The following RXFP1 variants were observed in gnomAD, a reference collection of about 807,000 sequenced individuals.
RXFP1 encodes relaxin family peptide receptor 1.
Under a neutral mutation model 89.8 loss-of-function variants are expected in RXFP1, and 73 were observed. The observed-to-expected ratio is 0.81, with a 90% CI of 0.67 to 0.99. The LOEUF is 0.99. RXFP1 is among the 50% of genes least tolerant of loss of function. The pLI is 0.00. For missense variants in RXFP1, 793 were observed against 895.5 expected, an observed-to-expected ratio of 0.89 and a Z score of 1.46; for synonymous variants, 277 against 305.5, an observed-to-expected ratio of 0.91 and a Z score of 0.97.
At chr4:158,568,201 T>G (rs78047865) in intron 1 of RXFP1, among the ~76,000 whole-genome samples, 4,832 of 152,268 alleles carry the variant, frequency 0.032, 245 homozygotes, top group African/African-American at 0.11. Flanking sequence ...GACTCGCTGC[T>G]TCTAAGAACT....
At chr4:158,594,348 C>A (rs1045235723) in intron 3 of RXFP1, among the ~76,000 whole-genome samples, 2 of 152,166 alleles carry the variant, frequency 1.3e-5, no homozygotes, top group African/African-American at 4.8e-5. Context: ...TCAGCCCTAC[C>A]CTCATTACTC....
intron 12 of RXFP1, among the ~76,000 whole-genome samples, chr4:158,637,352 T>C (rs142819081): frequency 6.6e-6 from 1 of 152,328 alleles, no homozygotes; most frequent in African/African-American, 2.4e-5. Context: ...TAATTTATAT[T>C]CCCATCACCA....
rs1048612736 is a variant in RXFP1, at chr4:158,574,689, C to T, written c.187+1854C>T. 1.1e-4 allele frequency among the ~76,000 whole-genome samples: 17 copies of T among 152,256 alleles called. No homozygotes were observed. In the East Asian group the frequency reaches 1.4e-3, roughly 12 times the overall value. ...GCCTGGGCTGAAATCTCCCTGATAT[C>T]GAGCTGTACTTTCTCTTACTGTATG... On this transcript the variant is annotated intron_variant, in intron 2 of 17. Transcript: ENST00000307765.
intron 2 of RXFP1, among the ~76,000 whole-genome samples, chr4:158,577,090 G>A (rs1756409740): frequency 6.6e-6 from 1 of 151,926 alleles, no homozygotes; most frequent in Non-Finnish European, 1.5e-5. Context: ...CCAGGCTGGA[G>A]TGCAGTGGCG....
chr4:158,593,666 A>G (rs1759977690), intron 3 of RXFP1, among the ~76,000 whole-genome samples, 167 bp downstream of exon 3: 1 of 152,228 alleles, frequency 6.6e-6, no homozygotes, highest in African/African-American at 2.4e-5. Context: ...CTAATTGCAA[A>G]TTCTATTAAA....
chr4:158,568,065 C>A (rs77235993), intron 1 of RXFP1, among the ~76,000 whole-genome samples: 1,988 of 152,230 alleles, frequency 0.013, 33 homozygotes, highest in African/African-American at 0.044. Context: ...TGAACAACTC[C>A]GAACACACTG....
At chr4:158,638,163 A>C (rs145879015) in intron 13 of RXFP1, 84 bp downstream of exon 13, 1 of 758,222 alleles carries the variant, frequency 1.3e-6, no homozygotes, top group East Asian at 2.9e-5. Flanking sequence ...ATTTACTTCA[A>C]ATCATAAGCT....
At chr4:158,532,041 A>G (rs951653822) in intron 1 of RXFP1, among the ~76,000 whole-genome samples, 2 of 152,094 alleles carry the variant, frequency 1.3e-5, no homozygotes, top group African/African-American at 4.8e-5. Context: ...CACCCAAGTA[A>G]TGAACATACT....
At chr4:158,547,525 A>C (rs933756880) in intron 1 of RXFP1, among the ~76,000 whole-genome samples, 10 of 150,438 alleles carry the variant, frequency 6.6e-5, no homozygotes, top group Admixed American at 2.6e-4. Flanking sequence ...TTTTCTAGTT[A>C]TTTTAATTGT....
Position 158,590,307 on chromosome 4 carries a change from G to A in RXFP1, c.188-3094G>A, listed in dbSNP as rs535750071. 2.0e-5 allele frequency among the ~76,000 whole-genome samples: 3 copies of A among 152,246 alleles called. No individual in the cohort carries two copies. In the South Asian group the frequency reaches 6.2e-4, roughly 32 times the overall value. ...AGCCTCCCGAGTAGCTGGGACTACA[G>A]GCATGTATCACCATGGCTGGGTAAT... On this transcript the variant is annotated intron_variant, in intron 2 of 17. Coordinates refer to ENST00000307765, the MANE Select transcript of RXFP1 (RefSeq NM_021634.4).
chr4:158,545,259 G>T (rs1747985496), intron 1 of RXFP1, among the ~76,000 whole-genome samples: 2 of 152,028 alleles, frequency 1.3e-5, no homozygotes, highest in Non-Finnish European at 2.9e-5. Flanking sequence ...TTTGAGAAGT[G>T]TCTGTTCATA....
intron 1 of RXFP1, among the ~76,000 whole-genome samples, chr4:158,555,917 A>T (rs1751180090): frequency 6.6e-6 from 1 of 152,230 alleles, no homozygotes; most frequent in Non-Finnish European, 1.5e-5. Flanking sequence ...CTTGCAATAT[A>T]CAAAAACCAA....
At chr4:158,649,062 G>A (rs545934305) in intron 17 of RXFP1, among the ~76,000 whole-genome samples, 21 of 151,764 alleles carry the variant, frequency 1.4e-4, no homozygotes, top group African/African-American at 3.6e-4. Flanking sequence ...GCAGTGAGCC[G>A]AAATTGCACC....
At chr4:158,582,114 CAATACTCCT>C (rs750094774) in intron 2 of RXFP1, among the ~76,000 whole-genome samples, 2 of 152,124 alleles carry the variant, frequency 1.3e-5, no homozygotes, top group African/African-American at 4.8e-5. Flanking sequence ...ACCCACCTCC[CAATACTCCT>C]AATACTACCA....
chr4:158,646,409 A>G, intron 15 of RXFP1: 1 of 1,041,744 alleles, frequency 9.6e-7, no homozygotes, highest in African/African-American at 1.6e-5. Context: ...TCAGTGGAAG[A>G]GCAGAACCAA....
intron 1 of RXFP1, among the ~76,000 whole-genome samples, chr4:158,529,240 G>GGTTT (rs1743366936): frequency 7.5e-6 from 1 of 134,026 alleles, no homozygotes; most frequent in Non-Finnish European, 1.5e-5. Context: ...TTGCTTGCTT[G>GGTTT]TTTTTTGTTG....
chr4:158,645,213 G>C (rs1771277904), intron 15 of RXFP1, 75 bp downstream of exon 15: 7 of 1,105,842 alleles, frequency 6.3e-6, no homozygotes, highest in Non-Finnish European at 6.7e-6. Flanking sequence ...AATAAGTTGT[G>C]TGAGTGGTAG....
Position 158,648,686 on chromosome 4 carries a change from A to G in RXFP1, c.1944A>G (p.Lys648=). 1 of 1,607,308 alleles carries G rather than the reference A, an allele frequency of 6.2e-7. No individual in the cohort carries two copies. Among genetic ancestry groups the G allele is most frequent in the Non-Finnish European group, 8.5e-7 (1 of 1,176,712 alleles). The change falls in exon 17 of 18, where the codon AAA becomes AAG. Residue 648 remains lysine (K), a synonymous_variant. Coordinates refer to ENST00000307765, the MANE Select transcript of RXFP1 (RefSeq NM_021634.4). ...ALCWIPIFVV[K]FLSLLQVEIP... ...GCTGGATACCCATTTTTGTAGTGAA[A>G]TTTCTTTCACTGCTTCAGGTAGAAA...
intron 9 of RXFP1, among the ~76,000 whole-genome samples, chr4:158,618,838 T>C (rs1765079757): frequency 6.6e-6 from 1 of 151,598 alleles, no homozygotes; most frequent in Admixed American, 6.6e-5. Context: ...AATGCCACAA[T>C]AAAAGTTGTA....
Sources: gnomAD v4.1 joint callset for allele counts (sites outside exome capture counted in the v4.1 genomes callset) on GRCh38, gnomAD v4.1.1 for gene constraint, MANE v1.5 for transcripts, NCBI Gene and HGNC (gene_info 2026-07-23, HGNC 2026-07-21) for gene names.